RANBP2: variants seen among roughly 807,000 people sequenced by gnomAD.
The protein encoded by RANBP2 is E3 SUMO-protein ligase RanBP2.
A neutral mutation model predicts 303.6 loss-of-function variants in RANBP2; 57 were observed. The observed-to-expected ratio is 0.19, with a 90% CI of 0.15 to 0.23. The LOEUF is 0.23. Among genes scored for constraint, RANBP2 ranks in the 10% least tolerant of loss-of-function variants. The pLI, the probability that RANBP2 is intolerant of heterozygous loss-of-function variation, is 1.00. For missense variants in RANBP2, 3,138 were observed against 3,780.8 expected (o/e 0.83, Z 4.46); for synonymous variants, 1,167 against 1,301.5 (o/e 0.90, Z 2.23).
the RANBP2 span, among the ~76,000 whole-genome samples, chr2:109,130,303 G>T: frequency 6.6e-6 from 1 of 152,222 alleles, no homozygotes; most frequent in Non-Finnish European, 1.5e-5. Context: ...CTCGCCGCTT[G>T]TTCACGTGTG....
the RANBP2 span, among the ~76,000 whole-genome samples, chr2:109,515,743 A>G: frequency 1.3e-5 from 2 of 152,190 alleles, no homozygotes; most frequent in Non-Finnish European, 1.5e-5. Context: ...GAAGCATGGC[A>G]CCAGCATTTG....
chr2:109,636,753 C>T, the RANBP2 span, among the ~76,000 whole-genome samples: 5 of 152,254 alleles, frequency 3.3e-5, no homozygotes, highest in East Asian at 9.6e-4. Context: ...GCCTGGCCAA[C>T]ATGATGAAAC....
chr2:109,212,834 G>T, the RANBP2 span, among the ~76,000 whole-genome samples: 1 of 152,180 alleles, frequency 6.6e-6, no homozygotes, highest in Non-Finnish European at 1.5e-5. Flanking sequence ...AGCTGGTGTG[G>T]GGTAGGTGCC....
At chr2:109,094,776 G>C in the RANBP2 span, among the ~76,000 whole-genome samples, 1 of 152,136 alleles carries the variant, frequency 6.6e-6, no homozygotes, top group Non-Finnish European at 1.5e-5. Context: ...GTTGCGGTGA[G>C]CCGAGATCAT....
chr2:109,515,984 A>C, the RANBP2 span, among the ~76,000 whole-genome samples: 9 of 152,208 alleles, frequency 5.9e-5, no homozygotes, highest in East Asian at 1.4e-3. Flanking sequence ...GAGGGGACAA[A>C]CAACCAAACA....
At chr2:109,145,219 T>TC in the RANBP2 span, among the ~76,000 whole-genome samples, 1 of 151,992 alleles carries the variant, frequency 6.6e-6, no homozygotes, top group Non-Finnish European at 1.5e-5. Context: ...CCTGGCTGGG[T>TC]CCTTCCTGAC....
At chr2:108,929,254 G>A in the RANBP2 span, 64 of 1,614,052 alleles carry the variant, frequency 4.0e-5, no homozygotes, top group South Asian at 4.6e-4. Flanking sequence ...GTGTCAGCAC[G>A]GTGGCCCGGA....
chr2:109,289,163 C>T, the RANBP2 span, among the ~76,000 whole-genome samples: 1 of 152,060 alleles, frequency 6.6e-6, no homozygotes, highest in Non-Finnish European at 1.5e-5. Context: ...CCTCCATCCC[C>T]TGTCTCTCTC....
chr2:108,792,234 G>T, the RANBP2 span, among the ~76,000 whole-genome samples: 1 of 152,158 alleles, frequency 6.6e-6, no homozygotes, highest in Non-Finnish European at 1.5e-5. Context: ...TGGGCTACAA[G>T]ACTTTGAGTT....
At chr2:108,739,104 T>C (rs1250180612) in intron 6 of RANBP2, among the ~76,000 whole-genome samples, 1 of 152,008 alleles carries the variant, frequency 6.6e-6, no homozygotes, top group Non-Finnish European at 1.5e-5. Flanking sequence ...TCATGAAGCC[T>C]CTAGAAAACT....
the RANBP2 span, among the ~76,000 whole-genome samples, chr2:109,189,451 C>T: frequency 6.6e-6 from 1 of 151,886 alleles, no homozygotes; most frequent in South Asian, 2.1e-4. Flanking sequence ...TCACTGCAAC[C>T]TCTGCCTCCT....
chr2:109,524,091 C>A, the RANBP2 span, among the ~76,000 whole-genome samples: 1 of 152,234 alleles, frequency 6.6e-6, no homozygotes, highest in Non-Finnish European at 1.5e-5. Context: ...CCCAGCCTCA[C>A]TGGGACTCCG....
chr2:109,501,492 T>C, the RANBP2 span: 4 of 775,290 alleles, frequency 5.2e-6, no homozygotes, highest in East Asian at 9.7e-5. Flanking sequence ...CCCACTGTGC[T>C]GTTTCCCCAG....
At chr2:108,988,082 G>A in the RANBP2 span, among the ~76,000 whole-genome samples, 8 of 152,204 alleles carry the variant, frequency 5.3e-5, no homozygotes, top group African/African-American at 1.4e-4. Context: ...CTGTCTCTCC[G>A]TACGTCTCCT....
chr2:108,988,247 C>G, the RANBP2 span, among the ~76,000 whole-genome samples: 1 of 152,184 alleles, frequency 6.6e-6, no homozygotes, highest in African/African-American at 2.4e-5. Flanking sequence ...CCCAGCCACC[C>G]GCTTCTCCCT....
the RANBP2 span, among the ~76,000 whole-genome samples, chr2:108,796,816 T>C: frequency 6.6e-6 from 1 of 152,070 alleles, no homozygotes; most frequent in African/African-American, 2.4e-5. Flanking sequence ...TACCAGAGGC[T>C]GGGAGGGGAA....
chr2:108,772,573 A>C lies in RANBP2; in HGVS notation c.8105A>C (p.Asn2702Thr), dbSNP rs1677584510. Residue 2702 changes from asparagine (N) to threonine (T), a missense_variant, in exon 22 of 29, where the codon AAT (asparagine) becomes ACT (threonine). Asn to Thr is a moderately conservative substitution (Grantham distance 65). Coordinates refer to ENST00000283195, the MANE Select transcript of RANBP2 (RefSeq NM_006267.5). ...GAAAAATGTAGACCCTTGGAAGAAA[A>C]TACAGCAGGTATGTTAAGTGTAAAG... Reference protein sequence around the residue: ...GSEKCRPLEENTADNEKECII... With the variant: ...GSEKCRPLEETTADNEKECII... 1.2e-6 allele frequency: 2 copies of C among 1,613,458 alleles called. No homozygotes were observed. Among genetic ancestry groups the C allele is most frequent in the South Asian group, 1.1e-5 (1 of 91,046 alleles).
the RANBP2 span, among the ~76,000 whole-genome samples, chr2:109,569,474 T>C: frequency 6.6e-6 from 1 of 151,588 alleles, no homozygotes; most frequent in African/African-American, 2.4e-5. Flanking sequence ...TTATAATTCC[T>C]ATTCTAAATT....
At chr2:109,003,955 C>T in the RANBP2 span, among the ~76,000 whole-genome samples, 2 of 152,092 alleles carry the variant, frequency 1.3e-5, no homozygotes, top group African/African-American at 4.8e-5. Flanking sequence ...CCCAGGTTCC[C>T]CGAGGTGCAG....
Sources: allele counts gnomAD v4.1 joint callset (sites outside exome capture counted in the v4.1 genomes callset), GRCh38; gene constraint gnomAD v4.1.1; transcripts MANE v1.5; gene names NCBI Gene and HGNC (gene_info 2026-07-23, HGNC 2026-07-21).